P2RY14: variants seen among roughly 807,000 people sequenced by gnomAD.
P2RY14 encodes purinergic receptor P2Y14.
Under a neutral mutation model 0.9 loss-of-function variants are expected in P2RY14, and 2 were observed. The observed-to-expected ratio is 2.16, with a 90% CI of 0.88 to 6.79. The LOEUF (loss-of-function observed/expected upper bound fraction) is 6.79, where lower values mean the gene tolerates loss of function less well. Among genes scored for constraint, P2RY14 ranks in the 30% most tolerant of loss-of-function variants. P2RY14 has a pLI of 0.05. For missense variants in P2RY14, 378 were observed against 400.1 expected, an observed-to-expected ratio of 0.94 and a Z score of 0.47; for synonymous variants, 158 against 147.2, an observed-to-expected ratio of 1.07 and a Z score of -0.53.
intron 1 of P2RY14, among the ~76,000 whole-genome samples, chr3:151,236,478 TCTC>T (rs1325405538): frequency 1.3e-5 from 2 of 152,198 alleles, no homozygotes; most frequent in Non-Finnish European, 2.9e-5. Flanking sequence ...ATGTTAATAA[TCTC>T]CTTCAGACTC....
chr3:151,237,322 G>A (rs1733048110), intron 1 of P2RY14, among the ~76,000 whole-genome samples: 1 of 146,360 alleles, frequency 6.8e-6, no homozygotes, highest in Non-Finnish European at 1.5e-5. Flanking sequence ...ACAGGCGTGA[G>A]CCACCACGCC....
intron 1 of P2RY14, among the ~76,000 whole-genome samples, 166 bp from the exon 2 acceptor site, chr3:151,219,808 T>G (rs1442738166): frequency 6.6e-6 from 1 of 151,970 alleles, no homozygotes; most frequent in South Asian, 2.1e-4. Context: ...CATTATTGAT[T>G]ATTGATTTGG....
At chr3:151,261,411 A>T (rs1299241132) in intron 1 of P2RY14, 1 of 152,100 alleles carries the variant, frequency 6.6e-6, no homozygotes, top group Admixed American at 6.5e-5. Flanking sequence ...GGTAAGAGGG[A>T]TGGTGGCCAT....
At chr3:151,263,562 C>G (rs996817062) in intron 1 of P2RY14, among the ~76,000 whole-genome samples, 1 of 152,082 alleles carries the variant, frequency 6.6e-6, no homozygotes, top group African/African-American at 2.4e-5. Context: ...CGTGTTTTAT[C>G]GTTAATTTAA....
chr3:151,260,361 G>T (rs544939636), intron 1 of P2RY14, among the ~76,000 whole-genome samples: 45 of 152,106 alleles, frequency 3.0e-4, no homozygotes, highest in African/African-American at 1.0e-3. Context: ...GTTGTTGTTT[G>T]TTTTTTGAGA....
chr3:151,265,045 C>T (rs1326096019), intron 1 of P2RY14, among the ~76,000 whole-genome samples: 7 of 152,202 alleles, frequency 4.6e-5, no homozygotes, highest in Non-Finnish European at 1.0e-4. Flanking sequence ...ATTTCTTCCT[C>T]TCACCCTATT....
chr3:151,239,533 A>G (rs1007049057), intron 1 of P2RY14, among the ~76,000 whole-genome samples: 1 of 152,240 alleles, frequency 6.6e-6, no homozygotes, highest in East Asian at 1.9e-4. Context: ...ACTTGTTGAC[A>G]TAAATTTTTT....
At chr3:151,214,498 T>A (rs1050542043) in intron 2 of P2RY14, among the ~76,000 whole-genome samples, 158 bp from the exon 3 acceptor site, 14 of 152,118 alleles carry the variant, frequency 9.2e-5, no homozygotes, top group Non-Finnish European at 2.1e-4. Context: ...CCTCCCTCCC[T>A]CTGTTCTTCC....
At chr3:151,260,375 G>T (rs1738633065) in intron 1 of P2RY14, among the ~76,000 whole-genome samples, 1 of 151,916 alleles carries the variant, frequency 6.6e-6, no homozygotes, top group Non-Finnish European at 1.5e-5. Context: ...TTTGAGACAG[G>T]GTCTTGCTCT....
chr3:151,260,229 T>A (rs1347701480), intron 1 of P2RY14, among the ~76,000 whole-genome samples: 1 of 152,212 alleles, frequency 6.6e-6, no homozygotes, highest in Non-Finnish European at 1.5e-5. Context: ...TTATCTAGCC[T>A]AATTAAATTG....
At chr3:151,218,881 A>T (rs1406438333) in intron 2 of P2RY14, among the ~76,000 whole-genome samples, 2 of 96,058 alleles carry the variant, frequency 2.1e-5, no homozygotes, top group African/African-American at 1.0e-4. Context: ...AAAAAAAAAA[A>T]AAAAAAAAAA....
intron 1 of P2RY14, among the ~76,000 whole-genome samples, chr3:151,233,025 T>C (rs1306846545): frequency 6.6e-6 from 1 of 152,242 alleles, no homozygotes; most frequent in East Asian, 1.9e-4. Context: ...GTATGTGCTA[T>C]TGGTGATAAA....
rs750398513 is a variant in P2RY14 at position 151,214,193 on chromosome 3, C to T, written c.124G>A (p.Val42Met). ...ACGTAAAAGAATATCCATCCTGACA[C>T]TCCATTGAGTAGGATTCCTGCAATG... Reference protein sequence around the residue: ...VFIAGILLNGVSGWIFFYVPS... With the variant: ...VFIAGILLNGMSGWIFFYVPS... Residue 42 changes from valine (V) to methionine (M), a missense_variant, in exon 3 of 3, where the codon GTG (valine) becomes ATG (methionine). By Grantham distance (21) the Val-to-Met change is conservative (BLOSUM62 1). Transcript: ENST00000309170. 2.5e-6 allele frequency: 4 copies of T among 1,613,988 alleles called. No homozygotes were observed. Among genetic ancestry groups the T allele is most frequent in the Non-Finnish European group, 3.4e-6 (4 of 1,179,972 alleles).
chr3:151,227,752 A>G (rs1332838563), intron 1 of P2RY14, among the ~76,000 whole-genome samples: 1 of 152,268 alleles, frequency 6.6e-6, no homozygotes. Flanking sequence ...CTTGGTAGTC[A>G]GGATGGACCT....
Position 151,255,349 on chromosome 3 carries a change from A to G in P2RY14, c.-133+22938T>C, listed in dbSNP as rs533138564. 1.3e-3 allele frequency among the ~76,000 whole-genome samples: 191 copies of G among 152,164 alleles called. 1 individual carries two copies. Among genetic ancestry groups the G allele is most frequent in the Non-Finnish European group, 2.1e-3 (140 of 68,004 alleles). ...TTAAATATCTACCTTAGCTTTTGCCATAGTTCAAAAGTTGGGGGAGGGAGT... is the reference window on the plus strand; with the variant it reads ...TTAAATATCTACCTTAGCTTTTGCCGTAGTTCAAAAGTTGGGGGAGGGAGT... On this transcript the variant is annotated intron_variant, in intron 1 of 2. Coordinates refer to ENST00000309170, the MANE Select transcript of P2RY14 (RefSeq NM_014879.4).
Position 151,247,095 on chromosome 3 carries a change from T to C in P2RY14, c.-132-27453A>G, listed in dbSNP as rs373580380. 9.9e-5 allele frequency among the ~76,000 whole-genome samples: 15 copies of C among 152,186 alleles called. No individual in the cohort carries two copies. The East Asian group carries it at 1.2e-3, about 12-fold the overall frequency. ...CTCACACCAGTTAGATTGGCAATAA[T>C]TAAAAAGTCAGGAAACAACAGGTGC... On this transcript the variant is annotated intron_variant, in intron 1 of 2. Transcript: ENST00000309170.
At chr3:151,224,530 A>C (rs1730092279) in intron 1 of P2RY14, among the ~76,000 whole-genome samples, 1 of 151,854 alleles carries the variant, frequency 6.6e-6, no homozygotes, top group South Asian at 2.1e-4. Context: ...GTGTTATTAC[A>C]TTTTATGTTA....
chr3:151,270,499 A>T (rs1344022654), intron 1 of P2RY14, among the ~76,000 whole-genome samples: 1 of 152,136 alleles, frequency 6.6e-6, no homozygotes, highest in Non-Finnish European at 1.5e-5. Flanking sequence ...GCCCCTGTGT[A>T]TTAGTGCACA....
chr3:151,237,015 G>A (rs1345585865), intron 1 of P2RY14, among the ~76,000 whole-genome samples: 2 of 150,198 alleles, frequency 1.3e-5, no homozygotes, highest in African/African-American at 2.4e-5. Context: ...AGGACAGCAT[G>A]AATGTTAAAC....
Sources: allele counts gnomAD v4.1 joint callset (sites outside exome capture counted in the v4.1 genomes callset), GRCh38; gene constraint gnomAD v4.1.1; transcripts MANE v1.5; gene names NCBI Gene and HGNC (gene_info 2026-07-23, HGNC 2026-07-21).